GPC5: variants seen among roughly 807,000 people sequenced by gnomAD.
GPC5 encodes the protein glypican-5.
In GPC5, 47 loss-of-function variants were observed where a neutral mutation model predicts 53.9. The observed-to-expected ratio is 0.87, with a 90% CI of 0.69 to 1.11. GPC5 has a LOEUF of 1.11. Ranked by LOEUF, GPC5 falls within the 50% of genes most tolerant of loss-of-function variation. The pLI, the probability that GPC5 is intolerant of heterozygous loss-of-function variation, is 0.00. For synonymous variants in GPC5, 286 were observed against 263.3 expected (o/e 1.09, Z -0.84); for missense variants, 748 against 713.1 (o/e 1.05, Z -0.56).
chr13:92,619,636 G>A (rs1884806262), intron 7 of GPC5, among the ~76,000 whole-genome samples: 1 of 151,872 alleles, frequency 6.6e-6, no homozygotes, highest in Non-Finnish European at 1.5e-5. Flanking sequence ...TAAAATAATT[G>A]CTATTAATGA....
chr13:92,782,094 AAAG>A (rs956357871), intron 7 of GPC5, among the ~76,000 whole-genome samples: 8 of 146,824 alleles, frequency 5.4e-5, no homozygotes, highest in East Asian at 2.2e-4. Context: ...GGGAGAAAGG[AAAG>A]AAGGAGTGGG....
At chr13:91,494,996 G>A (rs956871031) in intron 2 of GPC5, among the ~76,000 whole-genome samples, 4 of 152,084 alleles carry the variant, frequency 2.6e-5, no homozygotes, top group African/African-American at 4.8e-5. Flanking sequence ...TATATCCAAC[G>A]AAGTGCTTGA....
At chr13:92,724,548 T>G (rs1888585927) in intron 7 of GPC5, among the ~76,000 whole-genome samples, 1 of 151,546 alleles carries the variant, frequency 6.6e-6, no homozygotes, top group Non-Finnish European at 1.5e-5. Context: ...AGAAAGAAAT[T>G]TTGTCATTTG....
At chr13:91,554,807 G>T (rs2030850463) in intron 2 of GPC5, among the ~76,000 whole-genome samples, 1 of 151,990 alleles carries the variant, frequency 6.6e-6, no homozygotes, top group African/African-American at 2.4e-5. Context: ...AAAAGGCCTT[G>T]AAAAATAAGT....
chr13:92,523,422 T>C (rs1881146209), intron 7 of GPC5, among the ~76,000 whole-genome samples: 1 of 152,126 alleles, frequency 6.6e-6, no homozygotes, highest in African/African-American at 2.4e-5. Flanking sequence ...CTCCTTTTTG[T>C]ATGTAACTTG....
chr13:92,667,419 A>G (rs2139198981), intron 7 of GPC5, among the ~76,000 whole-genome samples: 1 of 152,310 alleles, frequency 6.6e-6, no homozygotes. Flanking sequence ...AGAGAGAAAA[A>G]GACACAGCAA....
At chr13:91,979,850 G>C (rs570023059) in intron 6 of GPC5, among the ~76,000 whole-genome samples, 9 of 152,310 alleles carry the variant, frequency 5.9e-5, no homozygotes, top group Admixed American at 4.6e-4. Context: ...TGCCTGCCCT[G>C]TGTGATCAGA....
At chr13:92,295,498 C>G (rs1317746374) in intron 7 of GPC5, among the ~76,000 whole-genome samples, 1 of 152,028 alleles carries the variant, frequency 6.6e-6, no homozygotes, top group East Asian at 1.9e-4. Context: ...AGTTTAAATC[C>G]ATTGTTTCTT....
chr13:92,229,624 T>G (rs1384253976), intron 7 of GPC5, among the ~76,000 whole-genome samples: 1 of 152,126 alleles, frequency 6.6e-6, no homozygotes, highest in Non-Finnish European at 1.5e-5. Context: ...ATAGCTTTCT[T>G]GTCATGTCAG....
chr13:92,839,247 C>A (rs767315352), intron 7 of GPC5, among the ~76,000 whole-genome samples: 3 of 152,176 alleles, frequency 2.0e-5, no homozygotes, highest in African/African-American at 4.8e-5. Flanking sequence ...TTCCTGAAAT[C>A]AAAATCCTTC....
At chr13:91,433,602 G>T (rs1021455821) in intron 1 of GPC5, among the ~76,000 whole-genome samples, 1 of 152,138 alleles carries the variant, frequency 6.6e-6, no homozygotes, top group African/African-American at 2.4e-5. Context: ...GTCTATCAAT[G>T]TTGGACATTT....
intron 2 of GPC5, among the ~76,000 whole-genome samples, chr13:91,590,812 C>A (rs1237329122): frequency 6.6e-6 from 1 of 152,060 alleles, no homozygotes; most frequent in African/African-American, 2.4e-5. Flanking sequence ...GGTATGCCAT[C>A]CTTTATTGTC....
chr13:92,854,956 G>C (rs190752962), intron 7 of GPC5, among the ~76,000 whole-genome samples: 1 of 151,736 alleles, frequency 6.6e-6, no homozygotes. Context: ...TGAATTCTTC[G>C]CTGAGACCAA....
intron 7 of GPC5, chr13:92,240,165 T>C (rs1009729722): frequency 6.6e-6 from 1 of 152,078 alleles, no homozygotes; most frequent in African/African-American, 2.4e-5. Context: ...TTATATCTAT[T>C]TGATATTATA....
chr13:91,459,247 A>G (rs1339802625), intron 2 of GPC5, among the ~76,000 whole-genome samples: 1 of 152,042 alleles, frequency 6.6e-6, no homozygotes, highest in Non-Finnish European at 1.5e-5. Flanking sequence ...GTGAGCCATG[A>G]TTGCACCACT....
intron 7 of GPC5, among the ~76,000 whole-genome samples, chr13:92,572,696 C>T (rs1883068541): frequency 6.6e-6 from 1 of 151,910 alleles, no homozygotes; most frequent in South Asian, 2.1e-4. Context: ...CCTTTTTTCC[C>T]AAGTTGTTCT....
At chr13:91,884,337 A>T (rs2039300369) in intron 5 of GPC5, among the ~76,000 whole-genome samples, 1 of 152,218 alleles carries the variant, frequency 6.6e-6, no homozygotes, top group Admixed American at 6.5e-5. Flanking sequence ...TAGCAAAGGC[A>T]TGGAATCAAC....
At chr13:92,389,972 A>G (rs1874918151) in intron 7 of GPC5, among the ~76,000 whole-genome samples, 1 of 152,194 alleles carries the variant, frequency 6.6e-6, no homozygotes, top group Admixed American at 6.5e-5. Context: ...TTTGCCAAAT[A>G]AAACTGGCAC....
At chr13:92,062,598 A>C (rs2041133846) in intron 6 of GPC5, among the ~76,000 whole-genome samples, 1 of 152,058 alleles carries the variant, frequency 6.6e-6, no homozygotes, top group South Asian at 2.1e-4. Flanking sequence ...GTGTATCTGA[A>C]CATTAATTGA....
Sources: gnomAD v4.1 joint callset for allele counts (sites outside exome capture counted in the v4.1 genomes callset) on GRCh38, gnomAD v4.1.1 for gene constraint, MANE v1.5 for transcripts, NCBI Gene and HGNC (gene_info 2026-07-23, HGNC 2026-07-21) for gene names.